ESYT2: variants seen among roughly 807,000 people sequenced by gnomAD.
ESYT2 encodes the protein extended synaptotagmin-2.
In ESYT2, 54 loss-of-function variants were observed where a neutral mutation model predicts 107.2. The ratio of observed to expected loss-of-function variants is 0.50; its 90% CI spans 0.40 to 0.63. The LOEUF (loss-of-function observed/expected upper bound fraction) is 0.63. Among genes scored for constraint, ESYT2 ranks in the 30% least tolerant of loss-of-function variants. The pLI, the probability that ESYT2 is intolerant of heterozygous loss-of-function variation, is 0.00. For synonymous variants in ESYT2, 491 were observed against 434.1 expected (o/e 1.13, Z -1.63); for missense variants, 1,020 against 1,094.5 (o/e 0.93, Z 0.96).
chr7:158,766,689 C>T (rs749463835), intron 8 of ESYT2, among the ~76,000 whole-genome samples: 7 of 152,160 alleles, frequency 4.6e-5, no homozygotes, highest in Non-Finnish European at 8.8e-5. Context: ...TCTACTTCAG[C>T]GAACAAAAAT....
In ESYT2 at chr7:158,784,058, GGGAGGA is replaced by G. The variant is rs878997461; in HGVS notation, c.747+3940_747+3945del. ...AGACCCGCCAAAGACACAAGGCACA[GGGAGGA>G]GGAGGAGGGTCTCTGGGAGAGCTCT... On this transcript the variant is annotated intron_variant, in intron 6 of 22. Coordinates refer to ENST00000275418, the MANE Select transcript of ESYT2 (RefSeq NM_001367773.1). Among the ~76,000 whole-genome samples the G allele has an allele frequency of 2.6e-3, 397 of 152,280 alleles. 14 individuals are homozygous for G. Among genetic ancestry groups the G allele is most frequent in the Admixed American group, 0.024 (364 of 15,296 alleles).
chr7:158,827,464 C>T (rs561788808), intron 1 of ESYT2: 17 of 152,284 alleles, frequency 1.1e-4, no homozygotes, highest in African/African-American at 3.4e-4. Flanking sequence ...TTCCCCACCT[C>T]GGTTCCTCTT....
chr7:158,783,119 T>C (rs987753608), intron 6 of ESYT2, among the ~76,000 whole-genome samples: 1 of 152,146 alleles, frequency 6.6e-6, no homozygotes, highest in Non-Finnish European at 1.5e-5. Context: ...GGAACAGGCA[T>C]TTCCAAAGGA....
intron 1 of ESYT2, among the ~76,000 whole-genome samples, chr7:158,827,793 A>G (rs1840499184): frequency 6.6e-6 from 1 of 152,182 alleles, no homozygotes; most frequent in African/African-American, 2.4e-5. Flanking sequence ...GACCCTTCCG[A>G]AACCCACTGC....
At chr7:158,779,396 A>T (rs759178954) in intron 6 of ESYT2, among the ~76,000 whole-genome samples, 4 of 152,216 alleles carry the variant, frequency 2.6e-5, no homozygotes, top group Non-Finnish European at 5.9e-5. Flanking sequence ...CATCTCAAGA[A>T]AAAAAGAAGC....
intron 4 of ESYT2, among the ~76,000 whole-genome samples, chr7:158,788,821 AATTTT>A (rs1168041907): frequency 1.1e-4 from 16 of 152,246 alleles, no homozygotes; most frequent in Admixed American, 2.6e-4. Context: ...TAAAAAGTTT[AATTTT>A]ATTTCACACA....
chr7:158,768,530 C>T (rs1321317075), intron 7 of ESYT2, among the ~76,000 whole-genome samples: 1 of 152,204 alleles, frequency 6.6e-6, no homozygotes, highest in African/African-American at 2.4e-5. Context: ...AGCAATTCTC[C>T]TGCCTCAGCC....
intron 3 of ESYT2, 74 bp downstream of exon 3, chr7:158,797,868 A>AC (rs997418539): frequency 3.8e-6 from 6 of 1,559,574 alleles, no homozygotes; most frequent in Non-Finnish European, 5.2e-6. Context: ...AAAAAAAAAA[A>AC]AGAAAATGTG....
At chr7:158,829,042 T>C in intron 1 of ESYT2, 47 bp downstream of exon 1, 2 of 1,551,316 alleles carry the variant, frequency 1.3e-6, no homozygotes, top group South Asian at 1.2e-5. Flanking sequence ...CGAGGGGAGA[T>C]CGGGACTGGT....
intron 14 of ESYT2, among the ~76,000 whole-genome samples, chr7:158,752,360 A>G (rs981096405): frequency 6.6e-6 from 1 of 152,174 alleles, no homozygotes; most frequent in African/African-American, 2.4e-5. Flanking sequence ...CTCAGAGATG[A>G]CCCTAACTCA....
chr7:158,757,768 G>GT (rs1336545121), intron 13 of ESYT2, among the ~76,000 whole-genome samples: 1 of 143,694 alleles, frequency 7.0e-6, no homozygotes, highest in African/African-American at 2.7e-5. Context: ...TTTTTTTTTT[G>GT]TTTTTTGTTT....
Position 158,735,853 on chromosome 7 carries a change from C to T in ESYT2, c.2400-245G>A, listed in dbSNP as rs10234509. 1.7e-3 allele frequency among the ~76,000 whole-genome samples: 265 copies of T among 152,266 alleles called. 2 individuals are homozygous for T. Among genetic ancestry groups the T allele is most frequent in the Middle Eastern group, 0.01 (3 of 294 alleles). ...CATAGATGTCTGGGTCCCAAGGTCC[C>T]TGGCTCACTCACGGGTGGGTGAGGA... On this transcript the variant is annotated intron_variant, in intron 20 of 22. Transcript: ENST00000275418.
At chr7:158,767,599 G>A (rs1311366341) in intron 8 of ESYT2, 55 bp downstream of exon 8, 2 of 1,580,744 alleles carry the variant, frequency 1.3e-6, no homozygotes, top group African/African-American at 1.3e-5. Context: ...ACACCCGCAG[G>A]CAGGCAGGTC....
chr7:158,794,122 T>G (rs1839388644), intron 3 of ESYT2, among the ~76,000 whole-genome samples: 1 of 152,266 alleles, frequency 6.6e-6, no homozygotes, highest in African/African-American at 2.4e-5. Context: ...ACCCTTTCCC[T>G]CTACTCCATC....
chr7:158,753,745 G>C (rs1292115330), intron 13 of ESYT2, among the ~76,000 whole-genome samples: 1 of 151,232 alleles, frequency 6.6e-6, no homozygotes, highest in Non-Finnish European at 1.5e-5. Context: ...TGACCCTAAA[G>C]CTGCCGGTGG....
intron 1 of ESYT2, among the ~76,000 whole-genome samples, chr7:158,811,737 G>A (rs1311974732): frequency 2.6e-5 from 4 of 152,204 alleles, no homozygotes; most frequent in African/African-American, 9.7e-5. Flanking sequence ...GAGAAATGTG[G>A]CTGAGATTCA....
intron 1 of ESYT2, among the ~76,000 whole-genome samples, chr7:158,814,091 G>A (rs1028455081): frequency 1.3e-5 from 2 of 151,836 alleles, no homozygotes; most frequent in Non-Finnish European, 2.9e-5. Flanking sequence ...GGCCAACATG[G>A]TGAAACCCTG....
At chr7:158,812,865 A>C (rs1312833133) in intron 1 of ESYT2, among the ~76,000 whole-genome samples, 1 of 152,228 alleles carries the variant, frequency 6.6e-6, no homozygotes, top group East Asian at 1.9e-4. Context: ...GTTTACAGGA[A>C]ATATCCAGAA....
rs2290396 is a variant in ESYT2 at position 158,773,162 on chromosome 7, C to T, written c.803+179G>A. 4.5e-3 allele frequency among the ~76,000 whole-genome samples: 686 copies of T among 152,208 alleles called. 42 individuals carry two copies. In the East Asian group the frequency reaches 0.12, roughly 26 times the overall value. Reference sequence around the variant, plus strand: ...CCTGGCCCATCGCCTCCCAGCAGCTCCCGGCAGGCAGAACAAAGCCCCTGT... The same window carrying T: ...CCTGGCCCATCGCCTCCCAGCAGCTTCCGGCAGGCAGAACAAAGCCCCTGT... On this transcript the variant is annotated intron_variant, in intron 7 of 22. Transcript: ENST00000275418.
Sources: allele counts gnomAD v4.1 joint callset (sites outside exome capture counted in the v4.1 genomes callset), GRCh38; gene constraint gnomAD v4.1.1; transcripts MANE v1.5; gene names NCBI Gene and HGNC (gene_info 2026-07-23, HGNC 2026-07-21).